Variants in NT5C3B observed in about 807,000 individuals in gnomAD.
NT5C3B encodes the protein 5'-nucleotidase, cytosolic IIIB, also known as 7-methylguanosine phosphate-specific 5'-nucleotidase.
In NT5C3B, 28 loss-of-function variants were observed where a neutral mutation model predicts 32.5. That is an observed-to-expected ratio of 0.86 (90% CI 0.64 to 1.18). The LOEUF (loss-of-function observed/expected upper bound fraction) is 1.18. NT5C3B is among the 50% of genes most tolerant of loss of function. The pLI is 0.00. For missense variants in NT5C3B, 317 were observed against 322.0 expected (o/e 0.98, Z 0.12); for synonymous variants, 138 against 118.0 (o/e 1.17, Z -1.10).
rs1482098062 is a variant in NT5C3B, at chr17:41,825,348, G to A, written c.*175C>T. On this transcript the variant is annotated 3_prime_UTR_variant, in exon 9 of 9. Transcript: ENST00000435506. ...AGTGCCTGTGCCCTGCCACATGGCG[G>A]GGTTCCTTCAAGCCTCTGGTGATGA... is the stretch of plus-strand genomic sequence containing the variant. 8.5e-6 allele frequency: 5 copies of A among 586,788 alleles called. No individual in the cohort carries two copies. The highest frequency in any genetic ancestry group is 1.5e-5 in the Non-Finnish European group (5 of 331,876). The allele number at this position is 586,788 out of a possible 1,614,324, so 36.3% of individuals were successfully genotyped here.
At position 41,827,465 on chromosome 17, in the gene NT5C3B, A is replaced by C. The variant is rs1438200538; in HGVS notation, c.729T>G (p.Gly243=). The C allele has an allele frequency of 5.7e-6, 5 of 872,826 alleles. No homozygotes were observed. The highest frequency in any genetic ancestry group is 1.0e-5 in the Non-Finnish European group (5 of 501,696). The allele number at this position is 872,826 out of a possible 1,614,324, so 54.1% of individuals were successfully genotyped here. A position where few individuals can be genotyped will look rare whatever the true frequency, so the allele number is the denominator to read the frequency against. Residue 243 remains glycine, a synonymous_variant, in exon 8 of 9, where the codon GGT becomes GGG. Transcript: ENST00000435506. Reference sequence around the variant, plus strand: ...AGCCAATTTTGAGAATGTTCTGCACACCAGGAACCCCATCGGCCATGGTGA... The same window carrying C: ...AGCCAATTTTGAGAATGTTCTGCACCCCAGGAACCCCATCGGCCATGGTGA... ...GDLTMADGVP[G]VQNILKIGFL...
chr17:41,825,470 G>A lies in NT5C3B; in HGVS notation c.*53C>T. 1.2e-6 allele frequency: 1 copy of A among 838,678 alleles called. No individual in the cohort carries two copies. The highest frequency in any genetic ancestry group is 1.4e-5 in the South Asian group (1 of 73,700). 52.0% of individuals were successfully genotyped at this position (838,678 alleles called of 1,614,324 possible). On this transcript the variant is annotated 3_prime_UTR_variant, in exon 9 of 9. Coordinates refer to ENST00000435506, the MANE Select transcript of NT5C3B (RefSeq NM_052935.5). ...CTGTGTTCACGGGGGAGCAGACTCT[G>A]GGGAGGCGCCCCTCCTCACCACGGC...
At chr17:41,828,975 T>G in intron 6 of NT5C3B, 23 bp from the exon 7 acceptor site, 1 of 1,596,156 alleles carries the variant, frequency 6.3e-7, no homozygotes, top group East Asian at 2.2e-5. Context: ...GGAGGAATTC[T>G]GAAATGGCAC....
intron 2 of NT5C3B, 177 bp downstream of exon 2, chr17:41,835,682 T>C (rs782213991): frequency 2.8e-6 from 2 of 726,778 alleles, no homozygotes; most frequent in Non-Finnish European, 4.9e-6. Context: ...TATTGAGAAA[T>C]CTGAAATTTG....
intron 8 of NT5C3B, 33 bp from the exon 9 acceptor site, chr17:41,825,690 C>A: frequency 1.1e-6 from 1 of 871,794 alleles, no homozygotes; most frequent in Non-Finnish European, 2.0e-6. Flanking sequence ...GCCAGAGGGT[C>A]CCCAAATGCC....
chr17:41,828,331 G>A (rs575003129), intron 7 of NT5C3B: 2 of 155,850 alleles, frequency 1.3e-5, no homozygotes, highest in Non-Finnish European at 2.8e-5. Flanking sequence ...TCCTTTGAAA[G>A]TTTTTTTGTT....
At position 41,830,803 on chromosome 17, in the gene NT5C3B, G is replaced by A. The variant is rs1555618902; in HGVS notation, c.402C>T (p.Leu134=). The change falls in exon 6 of 9, where the codon CTC becomes CTT. Residue 134 remains leucine (L), a splice_region_variant and synonymous_variant. Transcript: ENST00000435506. The part of the protein sequence containing the change: ...AQVVRESNAM[L]REGYKTFFNT... ...GTTTTCCAGAGCAAGACGCTTACCT[G>A]AGCATTGCATTGGACTCTCTAACCA... The A allele has an allele frequency of 1.9e-6, 3 of 1,592,074 alleles. No individual in the cohort carries two copies. Among genetic ancestry groups the A allele is most frequent in the East Asian group, 4.5e-5 (2 of 44,724 alleles).
chr17:41,827,729 T>C (rs1354348175), intron 7 of NT5C3B, 103 bp from the exon 8 acceptor site: 14 of 682,018 alleles, frequency 2.1e-5, no homozygotes, highest in African/African-American at 7.1e-5. Context: ...CCAAAAGTGA[T>C]AGATAATGCC....
At position 41,825,531 on chromosome 17, in the gene NT5C3B, C is replaced by A. The variant is rs1555618002; in HGVS notation, c.895G>T (p.Gly299Cys). The A allele has an allele frequency of 3.4e-6, 3 of 872,414 alleles. No homozygotes were observed. 54.0% of individuals were successfully genotyped at this position (872,414 alleles called of 1,614,324 possible). A position where few individuals can be genotyped will look rare whatever the true frequency, so the allele number is the denominator to read the frequency against. The change falls in exon 9 of 9, where the codon GGC becomes TGC. Residue 299 changes from glycine (G) to cysteine (C), a missense_variant. By Grantham distance (159) the Gly-to-Cys change is radical. Coordinates refer to ENST00000435506, the MANE Select transcript of NT5C3B (RefSeq NM_052935.5). The stretch of plus-strand genomic sequence containing the variant: ...GGCTGGAGCCTGCGCCTTCAGGGGC[C>A]TTGCATCTCCAGCTGGACCCCCTGG... ...LCQGVQLEMQGP is the reference protein window; with the variant it reads ...LCQGVQLEMQCP
intron 2 of NT5C3B, 25 bp from the exon 3 acceptor site, chr17:41,835,297 C>G: frequency 6.3e-7 from 1 of 1,597,470 alleles, no homozygotes; most frequent in Non-Finnish European, 8.6e-7. Flanking sequence ...AGAGATGATG[C>G]CTAAATAGGC....
intron 2 of NT5C3B, chr17:41,835,565 C>T (rs1485176251): frequency 1.4e-6 from 1 of 692,724 alleles, no homozygotes; most frequent in Non-Finnish European, 2.6e-6. Flanking sequence ...CCATTACGGC[C>T]CATCTGGACA....
rs573782856 is a variant in NT5C3B, at chr17:41,825,710, G to A, written c.769-53C>T. 3.4e-4 allele frequency: 296 copies of A among 867,626 alleles called. No individual in the cohort carries two copies. In the African/African-American group the frequency reaches 4.3e-3, roughly 12 times the overall value. 53.7% of individuals were successfully genotyped at this position (867,626 alleles called of 1,614,324 possible). ...AGGGTCCCCAAATGCCCTGCCCTCCGTAGCTCACTCTCAAAGCCCCTGGGG... is the reference window on the plus strand; with the variant it reads ...AGGGTCCCCAAATGCCCTGCCCTCCATAGCTCACTCTCAAAGCCCCTGGGG... On this transcript the variant is annotated intron_variant, in intron 8 of 8. Coordinates refer to ENST00000435506, the MANE Select transcript of NT5C3B (RefSeq NM_052935.5).
intron 2 of NT5C3B, chr17:41,835,478 C>A (rs1231236467): frequency 1.5e-6 from 1 of 651,730 alleles, no homozygotes; most frequent in Non-Finnish European, 2.8e-6. Context: ...AACGCAGTCT[C>A]CTAGTGTGGG....
Position 41,828,912 on chromosome 17 carries a change from T to G in NT5C3B, c.445A>C (p.Asn149His), listed in dbSNP as rs782490021. 19 of 1,614,044 alleles carry G rather than the reference T, an allele frequency of 1.2e-5. No individual in the cohort carries two copies. The highest frequency in any genetic ancestry group is 1.5e-5 in the Non-Finnish European group (18 of 1,179,912). ...GCAGAAAAGATGAAAAGGGGAATGT[T>G]GTTATGGTAGAGTGTGTTGAAGAAG... ...KTFFNTLYHN[N>H]IPLFIFSAGI... is the part of the protein sequence containing the mutation. The change falls in exon 7 of 9, where the codon AAC becomes CAC. Residue 149 changes from asparagine (N) to histidine (H), a missense_variant. Physicochemically the swap from Asn to His is moderately conservative, Grantham distance 68. Coordinates refer to ENST00000435506, the MANE Select transcript of NT5C3B (RefSeq NM_052935.5).
At chr17:41,834,194 G>A (rs1324920331) in intron 4 of NT5C3B, among the ~76,000 whole-genome samples, 5 of 152,046 alleles carry the variant, frequency 3.3e-5, no homozygotes, top group African/African-American at 7.2e-5. Flanking sequence ...TTGGGAGTTC[G>A]AGATCAGCCT....
chr17:41,830,405 A>C (rs2048031959), intron 6 of NT5C3B, among the ~76,000 whole-genome samples: 1 of 152,176 alleles, frequency 6.6e-6, no homozygotes, highest in Non-Finnish European at 1.5e-5. Flanking sequence ...CTTACTCGGG[A>C]GGCTGAGGCA....
At chr17:41,829,308 C>T (rs570544577) in intron 6 of NT5C3B, among the ~76,000 whole-genome samples, 26 of 152,232 alleles carry the variant, frequency 1.7e-4, no homozygotes, top group African/African-American at 6.0e-4. Flanking sequence ...AGGCATGAGG[C>T]GAGATCGCGC....
Position 41,828,955 on chromosome 17 carries a change from G to A in NT5C3B, c.405-3C>T, listed in dbSNP as rs1555618652. 3.1e-6 allele frequency: 5 copies of A among 1,602,772 alleles called. No individual in the cohort carries two copies. The South Asian group carries it at 3.3e-5, about 11-fold the overall frequency. ...TGAAGAAGGTCTTATATCCCTCCCT[G>A]AAAAGAGATGGAGGAATTCTGAAAT... On this transcript the variant is annotated splice_polypyrimidine_tract_variant and splice_region_variant and intron_variant, in intron 6 of 8. Coordinates refer to ENST00000435506, the MANE Select transcript of NT5C3B (RefSeq NM_052935.5).
chr17:41,835,161 C>T, intron 3 of NT5C3B, 42 bp downstream of exon 3: 2 of 1,613,126 alleles, frequency 1.2e-6, no homozygotes, highest in South Asian at 1.1e-5. Flanking sequence ...TAGAACCCAT[C>T]GTCTTGTCAA....
Sources: gnomAD v4.1 joint callset for allele counts (sites outside exome capture counted in the v4.1 genomes callset) on GRCh38, gnomAD v4.1.1 for gene constraint, MANE v1.5 for transcripts, NCBI Gene and HGNC (gene_info 2026-07-23, HGNC 2026-07-21) for gene names.